The following CCDC148 variants were observed in gnomAD, a reference collection of about 807,000 sequenced individuals.
The protein encoded by CCDC148 is coiled-coil domain containing 148.
In CCDC148, 89 loss-of-function variants were observed where a neutral mutation model predicts 85.7. The ratio of observed to expected loss-of-function variants is 1.04; its 90% CI spans 0.87 to 1.24. The LOEUF is 1.24. Among genes scored for constraint, CCDC148 ranks in the 50% most tolerant of loss-of-function variants. CCDC148 has a pLI of 0.00. For synonymous variants in CCDC148, 230 were observed against 213.9 expected, an observed-to-expected ratio of 1.08 and a Z score of -0.66; for missense variants, 692 against 671.7, an observed-to-expected ratio of 1.03 and a Z score of -0.33.
At chr2:158,196,778 C>T (rs1354019950) in intron 11 of CCDC148, among the ~76,000 whole-genome samples, 3 of 152,130 alleles carry the variant, frequency 2.0e-5, no homozygotes, top group Non-Finnish European at 4.4e-5. Flanking sequence ...TACATTGTCT[C>T]CTATACCCTA....
chr2:158,332,484 C>G (rs889070392), intron 7 of CCDC148, among the ~76,000 whole-genome samples: 1 of 134,414 alleles, frequency 7.4e-6, no homozygotes, highest in African/African-American at 2.9e-5. Context: ...AGTTATTGGT[C>G]TGAAATTTTC....
At chr2:158,393,854 A>G (rs1460937139) in intron 1 of CCDC148, among the ~76,000 whole-genome samples, 1 of 152,174 alleles carries the variant, frequency 6.6e-6, no homozygotes, top group Non-Finnish European at 1.5e-5. Flanking sequence ...CACAAAAAAT[A>G]GAACAGTTTC....
chr2:158,387,886 G>A lies in CCDC148; in HGVS notation c.26-29316C>T, dbSNP rs116266370. Among the ~76,000 whole-genome samples the A allele has an allele frequency of 4.8e-3, 734 of 152,252 alleles. 2 individuals are homozygous for A. The highest frequency in any genetic ancestry group is 0.016 in the African/African-American group (662 of 41,572). On this transcript the variant is annotated intron_variant, in intron 1 of 13. Transcript: ENST00000283233. The stretch of plus-strand genomic sequence containing the variant: ...CGCATTGGTCTCTGACCCAGTGAAG[G>A]TCAGCCTTCCTAAACAAATGCCCTC...
chr2:158,276,217 G>A (rs1455303016), intron 9 of CCDC148, among the ~76,000 whole-genome samples: 1 of 152,078 alleles, frequency 6.6e-6, no homozygotes, highest in Non-Finnish European at 1.5e-5. Flanking sequence ...GATCACTCGA[G>A]GTCAGGAGTT....
chr2:158,278,580 G>A (rs961434874), intron 9 of CCDC148, among the ~76,000 whole-genome samples: 7 of 152,170 alleles, frequency 4.6e-5, no homozygotes, highest in Admixed American at 1.3e-4. Flanking sequence ...GGGGAGGGGC[G>A]CCCGCCATTG....
chr2:158,370,608 A>C (rs903463269), intron 1 of CCDC148, among the ~76,000 whole-genome samples: 6 of 152,030 alleles, frequency 3.9e-5, no homozygotes, highest in Non-Finnish European at 8.8e-5. Flanking sequence ...TTTTAAGCAG[A>C]ATGTTACACA....
chr2:158,178,140 T>C (rs932715007), intron 12 of CCDC148: 2 of 152,054 alleles, frequency 1.3e-5, no homozygotes, highest in African/African-American at 2.4e-5. Context: ...TTGTACCAGG[T>C]TGGAAGGACA....
At chr2:158,370,947 T>C (rs952113257) in intron 1 of CCDC148, among the ~76,000 whole-genome samples, 1 of 151,930 alleles carries the variant, frequency 6.6e-6, no homozygotes, top group Non-Finnish European at 1.5e-5. Flanking sequence ...TAGCAAATAT[T>C]TAACACTGGC....
chr2:158,303,115 C>T (rs998796423), intron 9 of CCDC148, among the ~76,000 whole-genome samples: 8 of 152,130 alleles, frequency 5.3e-5, no homozygotes, highest in Non-Finnish European at 8.8e-5. Flanking sequence ...TTAAAAGACA[C>T]AAATCATCTA....
chr2:158,373,748 G>A (rs917316990), intron 1 of CCDC148, among the ~76,000 whole-genome samples: 4 of 151,922 alleles, frequency 2.6e-5, no homozygotes, highest in Non-Finnish European at 5.9e-5. Context: ...ATCTAAAGTA[G>A]TTCCTCTACC....
rs1260520302 is a variant in CCDC148, at chr2:158,283,960, G to T, written c.1110+25473C>A. On this transcript the variant is annotated intron_variant, in intron 9 of 13. Transcript: ENST00000283233. ...ACTATGCAGCCATAAAAAATGATGAGTTCATGTCCTTTGTAGGGACATGGA... is the reference window on the plus strand; with the variant it reads ...ACTATGCAGCCATAAAAAATGATGATTTCATGTCCTTTGTAGGGACATGGA... Among the ~76,000 whole-genome samples, 14 of 151,392 alleles carry T rather than the reference G, an allele frequency of 9.2e-5. 2 individuals carry two copies. The highest frequency in any genetic ancestry group is 6.6e-4 in the Admixed American group (10 of 15,180).
intron 3 of CCDC148, among the ~76,000 whole-genome samples, chr2:158,343,974 T>C (rs1262678991): frequency 1.3e-5 from 2 of 152,132 alleles, no homozygotes; most frequent in African/African-American, 4.8e-5. Context: ...TAATGATATG[T>C]ATACACCTCT....
intron 10 of CCDC148, among the ~76,000 whole-genome samples, chr2:158,231,451 GT>G (rs1306601593): frequency 3.3e-5 from 5 of 152,058 alleles, no homozygotes; most frequent in Non-Finnish European, 7.3e-5. Context: ...CTTTCATGAG[GT>G]TCTGCCCCTG....
intron 1 of CCDC148, among the ~76,000 whole-genome samples, chr2:158,445,248 A>G (rs1204922626): frequency 6.6e-6 from 1 of 152,206 alleles, no homozygotes; most frequent in African/African-American, 2.4e-5. Context: ...AAATGAATTA[A>G]TTCTGTGTGG....
At chr2:158,375,991 G>A (rs1684634433) in intron 1 of CCDC148, among the ~76,000 whole-genome samples, 1 of 152,060 alleles carries the variant, frequency 6.6e-6, no homozygotes, top group Non-Finnish European at 1.5e-5. Flanking sequence ...CTGCAATCAG[G>A]TTCTGTAACT....
At chr2:158,263,818 A>T (rs1689340444) in intron 9 of CCDC148, among the ~76,000 whole-genome samples, 1 of 152,000 alleles carries the variant, frequency 6.6e-6, no homozygotes. Flanking sequence ...AGTTATCAAA[A>T]ATCCTTTCCT....
At chr2:158,215,542 TC>T (rs2105296292) in intron 11 of CCDC148, among the ~76,000 whole-genome samples, 1 of 152,062 alleles carries the variant, frequency 6.6e-6, no homozygotes, top group East Asian at 1.9e-4. Context: ...TTCTTTTTTT[TC>T]TTTTTTTTTT....
intron 10 of CCDC148, among the ~76,000 whole-genome samples, chr2:158,249,120 C>T (rs1688687483): frequency 6.6e-6 from 1 of 152,144 alleles, no homozygotes. Flanking sequence ...GACTCCCATT[C>T]TCAATACTTG....
At chr2:158,210,671 C>T (rs1232493236) in intron 11 of CCDC148, among the ~76,000 whole-genome samples, 4 of 150,664 alleles carry the variant, frequency 2.7e-5, no homozygotes, top group Admixed American at 6.7e-5. Context: ...AGGCCGGGTG[C>T]GGTGGCTCAC....
Sources: gnomAD v4.1 joint callset for allele counts (sites outside exome capture counted in the v4.1 genomes callset) on GRCh38, gnomAD v4.1.1 for gene constraint, MANE v1.5 for transcripts, NCBI Gene and HGNC (gene_info 2026-07-23, HGNC 2026-07-21) for gene names.